The following TECRL variants were observed in gnomAD, a reference collection of about 807,000 sequenced individuals.
TECRL encodes trans-2,3-enoyl-CoA reductase-like.
TECRL carries 63 observed loss-of-function variants against 52.8 expected under a neutral mutation model. That is an observed-to-expected ratio of 1.19 (90% confidence interval 0.97 to 1.47). TECRL has a LOEUF of 1.47. Ranked by LOEUF, TECRL falls within the 40% of genes most tolerant of loss-of-function variation. TECRL has a pLI of 0.00. For synonymous variants in TECRL, 164 were observed against 141.9 expected, an observed-to-expected ratio of 1.16 and a Z score of -1.10; for missense variants, 482 against 429.6, an observed-to-expected ratio of 1.12 and a Z score of -1.08.
chr4:64,322,592 T>A (rs1717980274), intron 4 of TECRL, 97 bp downstream of exon 4: 1 of 773,640 alleles, frequency 1.3e-6, no homozygotes, highest in Non-Finnish European at 1.9e-6. Flanking sequence ...CACTACATTT[T>A]GTTTCGCTAT....
At chr4:64,352,624 G>T (rs1720475552) in intron 2 of TECRL, among the ~76,000 whole-genome samples, 1 of 152,116 alleles carries the variant, frequency 6.6e-6, no homozygotes, top group Non-Finnish European at 1.5e-5. Context: ...TAACTTATAT[G>T]TCTTTATTTT....
At chr4:64,344,805 T>C (rs282238) in intron 2 of TECRL, among the ~76,000 whole-genome samples, 6,037 of 152,306 alleles carry the variant, frequency 0.04, 146 homozygotes, top group African/African-American at 0.06. Flanking sequence ...TCTTGTTTTT[T>C]GTTTGTTTGT....
At chr4:64,300,791 A>T (rs557301625) in intron 7 of TECRL, among the ~76,000 whole-genome samples, 303 of 151,138 alleles carry the variant, frequency 2.0e-3, no homozygotes, top group Non-Finnish European at 3.0e-3. Flanking sequence ...ACCTAACAAT[A>T]TATTTAAAGA....
At chr4:64,293,969 TATATATATATAAA>T (rs1040793859) in intron 8 of TECRL, among the ~76,000 whole-genome samples, 7 of 141,066 alleles carry the variant, frequency 5.0e-5, no homozygotes, top group African/African-American at 2.0e-4. Flanking sequence ...AGGTGCTACA[TATATATATATAAA>T]ATATATATAT....
chr4:64,310,912 G>A (rs575383459), intron 5 of TECRL, among the ~76,000 whole-genome samples: 2 of 152,030 alleles, frequency 1.3e-5, no homozygotes, highest in African/African-American at 2.4e-5. Flanking sequence ...GTAGAAATGG[G>A]TTAAACCTTG....
rs1720000648 is a variant in TECRL at position 64,346,544 on chromosome 4, A to C, written c.287-17988T>G. ...CAAGCCTAGGGGCTTGCGCCCTCTGAAGCCTAAGCTGTACATTGGCCCCTT... is the reference window on the plus strand; with the variant it reads ...CAAGCCTAGGGGCTTGCGCCCTCTGCAGCCTAAGCTGTACATTGGCCCCTT... On this transcript the variant is annotated intron_variant, in intron 2 of 11. Transcript: ENST00000381210. Among the ~76,000 whole-genome samples the C allele has an allele frequency of 1.3e-5, 2 of 152,256 alleles. 1 individual carries two copies. Among genetic ancestry groups the C allele is most frequent in the South Asian group, 4.1e-4 (2 of 4,836 alleles).
intron 2 of TECRL, among the ~76,000 whole-genome samples, chr4:64,372,264 A>T (rs1368904889): frequency 6.6e-6 from 1 of 151,812 alleles, no homozygotes; most frequent in Non-Finnish European, 1.5e-5. Context: ...GAGGATTTGC[A>T]GCTGGGGACA....
chr4:64,312,340 A>T (rs577888156), intron 5 of TECRL, among the ~76,000 whole-genome samples: 2 of 152,310 alleles, frequency 1.3e-5, no homozygotes, highest in South Asian at 2.1e-4. Flanking sequence ...AGATACCTAA[A>T]TTTCAAAAGT....
intron 10 of TECRL, 64 bp downstream of exon 10, chr4:64,281,410 A>G (rs1722821111): frequency 3.1e-6 from 3 of 959,864 alleles, no homozygotes; most frequent in African/African-American, 3.4e-5. Context: ...ATGTAAATAC[A>G]TAAGCACATG....
intron 2 of TECRL, among the ~76,000 whole-genome samples, chr4:64,332,690 A>G (rs2110054205): frequency 6.6e-6 from 1 of 152,308 alleles, no homozygotes; most frequent in South Asian, 2.1e-4. Flanking sequence ...AGAAACACAG[A>G]CATTTTGGAA....
At chr4:64,398,765 T>G (rs187884348) in intron 1 of TECRL, among the ~76,000 whole-genome samples, 1 of 152,320 alleles carries the variant, frequency 6.6e-6, no homozygotes, top group African/African-American at 2.4e-5. Context: ...TGGAAGAGTT[T>G]CGAGAGTTCA....
chr4:64,282,760 T>C (rs906252858), intron 9 of TECRL, among the ~76,000 whole-genome samples: 3 of 152,034 alleles, frequency 2.0e-5, no homozygotes, highest in African/African-American at 7.2e-5. Context: ...ATATGCCTTA[T>C]GACACAGAAA....
chr4:64,352,780 A>T (rs1292401213), intron 2 of TECRL, among the ~76,000 whole-genome samples: 1 of 152,264 alleles, frequency 6.6e-6, no homozygotes, highest in Non-Finnish European at 1.5e-5. Context: ...AAAATATCAG[A>T]TTCAAAGTAT....
At chr4:64,290,140 T>A (rs959125826) in intron 8 of TECRL, among the ~76,000 whole-genome samples, 1 of 152,182 alleles carries the variant, frequency 6.6e-6, no homozygotes, top group African/African-American at 2.4e-5. Flanking sequence ...CTCAGTTCAT[T>A]AACAGTAAAA....
intron 2 of TECRL, among the ~76,000 whole-genome samples, chr4:64,359,642 A>G (rs1292156441): frequency 6.6e-6 from 1 of 152,146 alleles, no homozygotes; most frequent in South Asian, 2.1e-4. Flanking sequence ...AAACAAAACC[A>G]TTCATAGAAT....
chr4:64,382,434 T>C (rs1722885058), intron 1 of TECRL, among the ~76,000 whole-genome samples: 1 of 150,484 alleles, frequency 6.6e-6, no homozygotes, highest in South Asian at 2.1e-4. Context: ...AATTGTTATA[T>C]CCTCTTGCTG....
intron 4 of TECRL, among the ~76,000 whole-genome samples, chr4:64,322,471 A>AG (rs1484714679): frequency 6.6e-6 from 1 of 151,398 alleles, no homozygotes; most frequent in East Asian, 1.9e-4. Flanking sequence ...AAAAAAAAAA[A>AG]AAAAGGAACT....
At chr4:64,348,741 T>G (rs1189624492) in intron 2 of TECRL, among the ~76,000 whole-genome samples, 1 of 152,146 alleles carries the variant, frequency 6.6e-6, no homozygotes, top group African/African-American at 2.4e-5. Context: ...GAGCAATCTT[T>G]GGGGTTTTTA....
At chr4:64,315,400 C>A (rs151016896) in intron 4 of TECRL, among the ~76,000 whole-genome samples, 2 of 151,934 alleles carry the variant, frequency 1.3e-5, no homozygotes, top group African/African-American at 4.8e-5. Flanking sequence ...TGAAAAAAGA[C>A]GAAGTGATTG....
Sources: gnomAD v4.1 joint callset for allele counts (sites outside exome capture counted in the v4.1 genomes callset) on GRCh38, gnomAD v4.1.1 for gene constraint, MANE v1.5 for transcripts, NCBI Gene and HGNC (gene_info 2026-07-23, HGNC 2026-07-21) for gene names.